Variants in TEAD4 observed in about 807,000 individuals in gnomAD.
TEAD4 encodes the protein TEA domain transcription factor 4.
TEAD4 carries 36 observed loss-of-function variants against 52.4 expected under a neutral mutation model. That is an observed-to-expected ratio of 0.69 (90% confidence interval 0.53 to 0.91). TEAD4 has a LOEUF of 0.91. TEAD4 is among the 40% of genes least tolerant of loss of function. The probability of loss-of-function intolerance (pLI) is 0.00; values close to 1 mark genes in which losing one functional copy is unlikely to be tolerated. For missense variants in TEAD4, 508 were observed against 583.9 expected, an observed-to-expected ratio of 0.87 and a Z score of 1.34; for synonymous variants, 220 against 231.0, an observed-to-expected ratio of 0.95 and a Z score of 0.43.
At chr12:3,026,563 T>G (rs2098272247) in intron 10 of TEAD4, among the ~76,000 whole-genome samples, 1 of 152,218 alleles carries the variant, frequency 6.6e-6, no homozygotes, top group Admixed American at 6.5e-5. Flanking sequence ...TTTAGCTCCC[T>G]GTAAGGGGCC....
Position 3,040,607 on chromosome 12 carries a change from G to T in TEAD4, c.*129G>T. 5 of 793,918 alleles carry T rather than the reference G, an allele frequency of 6.3e-6. No homozygotes were observed. The South Asian group carries it at 6.7e-5, about 11-fold the overall frequency. 49.2% of individuals were successfully genotyped at this position (793,918 alleles called of 1,614,324 possible). ...GAGGAGCAGTTGTGACTCTACCCAG[G>T]AACAAACTGTGCCTGAACCTGAGGT... On this transcript the variant is annotated 3_prime_UTR_variant, in exon 13 of 13. Transcript: ENST00000359864.
chr12:3,012,264 G>T lies in TEAD4; in HGVS notation c.354+32G>T, dbSNP rs772831068. Reference sequence around the variant, plus strand: ...AAACTGCAGTGGGGGTGCTGGAGTGGCCAGGAGTGGTGGCCAGCAGCATAT... The same window carrying T: ...AAACTGCAGTGGGGGTGCTGGAGTGTCCAGGAGTGGTGGCCAGCAGCATAT... On this transcript the variant is annotated intron_variant, in intron 5 of 12. Coordinates refer to ENST00000359864, the MANE Select transcript of TEAD4 (RefSeq NM_003213.4). 2.2e-5 allele frequency: 35 copies of T among 1,610,806 alleles called. No individual in the cohort carries two copies. In the South Asian group the frequency reaches 2.6e-4, roughly 12 times the overall value.
chr12:2,985,155 C>T lies in TEAD4; in HGVS notation c.-29-9583C>T, dbSNP rs144093050. 5.4e-3 allele frequency among the ~76,000 whole-genome samples: 815 copies of T among 152,116 alleles called. 6 individuals carry two copies. The highest frequency in any genetic ancestry group is 0.018 in the African/African-American group (767 of 41,494). On this transcript the variant is annotated intron_variant, in intron 2 of 12. Transcript: ENST00000359864. Reference sequence around the variant, plus strand: ...ATCCCAGCACTTTGGGAGGCCGAGGCGGGTGGATCACGAGGTCAGGAGGTC... The same window carrying T: ...ATCCCAGCACTTTGGGAGGCCGAGGTGGGTGGATCACGAGGTCAGGAGGTC...
chr12:2,973,835 C>T (rs544958274), intron 2 of TEAD4, among the ~76,000 whole-genome samples: 7 of 152,198 alleles, frequency 4.6e-5, no homozygotes, highest in African/African-American at 9.6e-5. Context: ...ACCGGATGAT[C>T]GTGCCTTCTG....
At chr12:2,999,253 C>T (rs536621089) in intron 3 of TEAD4, among the ~76,000 whole-genome samples, 1 of 152,264 alleles carries the variant, frequency 6.6e-6, no homozygotes, top group African/African-American at 2.4e-5. Flanking sequence ...ATTCTGAGCC[C>T]CCAGCTGCTT....
intron 2 of TEAD4, among the ~76,000 whole-genome samples, chr12:2,977,013 A>G (rs1411891960): frequency 6.6e-6 from 1 of 152,034 alleles, no homozygotes; most frequent in Non-Finnish European, 1.5e-5. Flanking sequence ...GCCCTCCATC[A>G]TCCCTCCTGA....
At chr12:3,034,832 G>A (rs1025938033) in intron 10 of TEAD4, among the ~76,000 whole-genome samples, 2 of 151,990 alleles carry the variant, frequency 1.3e-5, no homozygotes, top group African/African-American at 2.4e-5. Context: ...GGTGGCTCAC[G>A]CCTATAATCC....
chr12:3,013,466 C>T (rs371161079), intron 5 of TEAD4, among the ~76,000 whole-genome samples: 16 of 151,752 alleles, frequency 1.1e-4, no homozygotes, highest in African/African-American at 1.4e-4. Flanking sequence ...AGGCCAGGCG[C>T]GGTGGCTCAC....
chr12:3,019,634 C>G (rs956678406), intron 8 of TEAD4, among the ~76,000 whole-genome samples: 2 of 152,188 alleles, frequency 1.3e-5, no homozygotes. Flanking sequence ...GCCCCCACCC[C>G]GCCCTCTCAC....
At position 3,020,721 on chromosome 12, in the gene TEAD4, T is replaced by G. The variant is rs2098268104; in HGVS notation, c.671T>G (p.Leu224Arg). 1 of 1,609,032 alleles carries G rather than the reference T, an allele frequency of 6.2e-7. No individual in the cohort carries two copies. Among genetic ancestry groups the G allele is most frequent in the African/African-American group, 1.3e-5 (1 of 74,778 alleles). Residue 224 changes from leucine (L) to arginine (R), a missense_variant, in exon 9 of 13, where the codon CTC becomes CGC. By Grantham distance (102) the Leu-to-Arg change is moderately radical. Coordinates refer to ENST00000359864, the MANE Select transcript of TEAD4 (RefSeq NM_003213.4). ...GGCCGCAGCGTGGCCAGCTCCAAGC[T>G]CTGGATGTTGGAGTTCTCTGCCTTC...
At chr12:2,961,936 C>T (rs1424552921) in intron 2 of TEAD4, among the ~76,000 whole-genome samples, 1 of 151,934 alleles carries the variant, frequency 6.6e-6, no homozygotes, top group Non-Finnish European at 1.5e-5. Context: ...AATCCAGGGT[C>T]CTAGTGGCCC....
chr12:3,012,551 A>C (rs1344230592), intron 5 of TEAD4, among the ~76,000 whole-genome samples: 1 of 151,866 alleles, frequency 6.6e-6, no homozygotes, highest in African/African-American at 2.4e-5. Flanking sequence ...AGGGCCCCTC[A>C]GTGCCCTCGA....
chr12:2,962,147 C>T (rs1047546936), intron 2 of TEAD4, among the ~76,000 whole-genome samples: 3 of 149,408 alleles, frequency 2.0e-5, no homozygotes, highest in African/African-American at 2.4e-5. Flanking sequence ...ATTTTTGAGA[C>T]GGAGTCTCGC....
intron 5 of TEAD4, among the ~76,000 whole-genome samples, chr12:3,015,259 C>T (rs529747248): frequency 6.6e-5 from 10 of 152,332 alleles, no homozygotes; most frequent in South Asian, 2.1e-4. Flanking sequence ...CATGGCCCCC[C>T]GTGTGCCAGT....
intron 2 of TEAD4, among the ~76,000 whole-genome samples, chr12:2,991,064 T>C (rs550787622): frequency 1.6e-4 from 24 of 152,296 alleles, no homozygotes; most frequent in African/African-American, 5.3e-4. Flanking sequence ...CCGGGCATGG[T>C]GGTGCGTGAC....
At chr12:3,021,129 G>T (rs376049249) in intron 9 of TEAD4, among the ~76,000 whole-genome samples, 2 of 151,966 alleles carry the variant, frequency 1.3e-5, no homozygotes, top group African/African-American at 2.4e-5. Flanking sequence ...TCTGAGAAGC[G>T]GGCAGGAAGC....
chr12:3,016,637 A>G (rs945900581), intron 5 of TEAD4, among the ~76,000 whole-genome samples: 7 of 152,046 alleles, frequency 4.6e-5, no homozygotes, highest in African/African-American at 1.7e-4. Flanking sequence ...AAAAAGACAC[A>G]GTTTCCATTA....
intron 2 of TEAD4, among the ~76,000 whole-genome samples, chr12:2,979,790 G>A (rs370854562): frequency 5.3e-5 from 8 of 152,164 alleles, no homozygotes; most frequent in Non-Finnish European, 1.0e-4. Flanking sequence ...CAACATTCTT[G>A]TGTTGGGGAT....
chr12:3,017,229 A>T, intron 5 of TEAD4, 169 bp from the exon 6 acceptor site: 1 of 812,398 alleles, frequency 1.2e-6, no homozygotes, highest in Non-Finnish European at 2.0e-6. Context: ...AAACCAGCTG[A>T]CTTTCTCAGT....
Sources: allele counts gnomAD v4.1 joint callset (sites outside exome capture counted in the v4.1 genomes callset), GRCh38; gene constraint gnomAD v4.1.1; transcripts MANE v1.5; gene names NCBI Gene and HGNC (gene_info 2026-07-23, HGNC 2026-07-21).